ATP2B1: variants seen among roughly 807,000 people sequenced by gnomAD.
ATP2B1 encodes the protein plasma membrane calcium-transporting ATPase 1.
Under a neutral mutation model 124.2 loss-of-function variants are expected in ATP2B1, and 14 were observed. That is an observed-to-expected ratio of 0.11 (90% CI 0.07 to 0.18). The LOEUF is 0.18. Among genes scored for constraint, ATP2B1 ranks in the 10% least tolerant of loss-of-function variants. ATP2B1 has a pLI of 1.00. For missense variants in ATP2B1, 763 were observed against 1,466.1 expected (o/e 0.52, Z 7.83); for synonymous variants, 449 against 492.4 (o/e 0.91, Z 1.17).
chr12:89,677,979 C>T (rs1292084422), intron 1 of ATP2B1, among the ~76,000 whole-genome samples: 10,796 of 55,680 alleles, frequency 0.19, 1,248 homozygotes, highest in Middle Eastern at 0.4. Flanking sequence ...TATACACACA[C>T]ACACACACAC....
chr12:89,627,836 G>A, intron 6 of ATP2B1, 120 bp from the exon 7 acceptor site: 1 of 1,105,372 alleles, frequency 9.0e-7, no homozygotes, highest in South Asian at 1.4e-5. Context: ...TGTGTCTACA[G>A]ATTAGAAAAC....
chr12:89,610,630 G>A, intron 13 of ATP2B1, 122 bp from the exon 14 acceptor site: 1 of 795,760 alleles, frequency 1.3e-6, no homozygotes, highest in East Asian at 2.5e-5. Flanking sequence ...GAAACTCCTG[G>A]GAACTTGTTA....
intron 2 of ATP2B1, among the ~76,000 whole-genome samples, chr12:89,653,458 G>A (rs930399843): frequency 1.2e-4 from 18 of 151,012 alleles, no homozygotes; most frequent in African/African-American, 3.2e-4. Flanking sequence ...CACCGCGCCC[G>A]GCTAATTTTT....
At chr12:89,694,235 TCAA>T in intron 1 of ATP2B1, among the ~76,000 whole-genome samples, 1 of 152,304 alleles carries the variant, frequency 6.6e-6, no homozygotes, top group Admixed American at 6.5e-5. Flanking sequence ...AAAGTTATAT[TCAA>T]CTACATAATC....
intron 1 of ATP2B1, among the ~76,000 whole-genome samples, chr12:89,688,417 T>C (rs2136701340): frequency 6.6e-6 from 1 of 152,244 alleles, no homozygotes; most frequent in Admixed American, 6.5e-5. Flanking sequence ...GCTCCAGGGA[T>C]CAGGAGTCAG....
intron 15 of ATP2B1, among the ~76,000 whole-genome samples, chr12:89,606,000 G>A (rs763150044): frequency 5.3e-5 from 8 of 152,098 alleles, no homozygotes; most frequent in Non-Finnish European, 1.0e-4. Flanking sequence ...AAGAAAGCAA[G>A]TAAAAGACAA....
rs192695522 is a variant in ATP2B1 at position 89,687,727 on chromosome 12, G to A, written c.-222+20869C>T. Among the ~76,000 whole-genome samples the A allele has an allele frequency of 1.3e-3, 194 of 151,696 alleles. 1 individual carries two copies. The highest frequency in any genetic ancestry group is 4.5e-3 in the African/African-American group (187 of 41,364). ...ATATTTTGGGATTAAATTCAACATG[G>A]GATTAAAATAAATGCTGCTTAAACA... On this transcript the variant is annotated intron_variant, in intron 1 of 20. Coordinates refer to ENST00000428670, the MANE Select transcript of ATP2B1 (RefSeq NM_001366521.1).
intron 12 of ATP2B1, 163 bp from the exon 13 acceptor site, chr12:89,611,535 G>C: frequency 1.8e-6 from 1 of 558,194 alleles, no homozygotes; most frequent in Non-Finnish European, 2.7e-6. Context: ...AACATTTCTT[G>C]CACTATTTTC....
rs148743486 is a variant in ATP2B1 at position 89,707,126 on chromosome 12, G to A, written c.-222+1470C>T. ...ATGAAACGCACAAGTACAAAAAGCA[G>A]ATTCTCCTCCAATCCCTCTTAATTC... On this transcript the variant is annotated intron_variant, in intron 1 of 20. Transcript: ENST00000428670. Among the ~76,000 whole-genome samples, 146 of 152,248 alleles carry A rather than the reference G, an allele frequency of 9.6e-4. 4 individuals are homozygous for A. The East Asian group carries it at 0.027, about 28-fold the overall frequency.
In ATP2B1 at chr12:89,686,901, A is replaced by G. The variant is rs535989735; in HGVS notation, c.-222+21695T>C. Among the ~76,000 whole-genome samples the G allele has an allele frequency of 3.3e-5, 5 of 152,172 alleles. No homozygotes were observed. The East Asian group carries it at 9.6e-4, about 29-fold the overall frequency. ...AATATATAGATCCTGTCTCTACCAT[A>G]TATCTATAATTCCTTTAATATAATA... On this transcript the variant is annotated intron_variant, in intron 1 of 20. Transcript: ENST00000428670.
intron 9 of ATP2B1, among the ~76,000 whole-genome samples, chr12:89,622,609 A>G (rs549570316): frequency 6.6e-6 from 1 of 152,226 alleles, no homozygotes; most frequent in African/African-American, 2.4e-5. Flanking sequence ...AAGATACTGC[A>G]AAAAAACTGG....
intron 11 of ATP2B1, among the ~76,000 whole-genome samples, chr12:89,617,382 A>G (rs567612800): frequency 6.6e-6 from 1 of 152,326 alleles, no homozygotes; most frequent in East Asian, 1.9e-4. Context: ...ACAGAATCAG[A>G]CATTAGTTTG....
intron 1 of ATP2B1, among the ~76,000 whole-genome samples, chr12:89,701,363 T>C (rs552738919): frequency 6.6e-4 from 101 of 152,310 alleles, no homozygotes; most frequent in Middle Eastern, 3.4e-3. Context: ...AGTAATTCAT[T>C]TGGAGATAAC....
At chr12:89,700,261 T>C (rs1891683886) in intron 1 of ATP2B1, among the ~76,000 whole-genome samples, 1 of 152,148 alleles carries the variant, frequency 6.6e-6, no homozygotes, top group Non-Finnish European at 1.5e-5. Flanking sequence ...AGTTTGATGC[T>C]AGAGGAGCTC....
At chr12:89,687,982 TA>T (rs1890153762) in intron 1 of ATP2B1, among the ~76,000 whole-genome samples, 1 of 151,858 alleles carries the variant, frequency 6.6e-6, no homozygotes, top group African/African-American at 2.4e-5. Flanking sequence ...AAAACAAAAG[TA>T]AACTAAAACC....
chr12:89,689,237 A>C (rs190877251), intron 1 of ATP2B1, among the ~76,000 whole-genome samples: 171 of 152,226 alleles, frequency 1.1e-3, no homozygotes, highest in African/African-American at 3.8e-3. Context: ...ATAATCAACA[A>C]ATAATTTTTT....
At chr12:89,684,769 T>C (rs1310355225) in intron 1 of ATP2B1, among the ~76,000 whole-genome samples, 1 of 152,184 alleles carries the variant, frequency 6.6e-6, no homozygotes, top group East Asian at 1.9e-4. Flanking sequence ...GGAGAGAAAC[T>C]TGGCTTCTCT....
intron 8 of ATP2B1, among the ~76,000 whole-genome samples, chr12:89,626,228 C>T (rs1407535326): frequency 7.2e-5 from 11 of 152,184 alleles, no homozygotes; most frequent in African/African-American, 2.7e-4. Flanking sequence ...AGGCTTGTAA[C>T]TGGACAGACT....
chr12:89,684,873 G>C (rs561239886), intron 1 of ATP2B1, among the ~76,000 whole-genome samples: 2 of 152,024 alleles, frequency 1.3e-5, no homozygotes, highest in Non-Finnish European at 1.5e-5. Flanking sequence ...GAATTTCCTT[G>C]ACCATTGTTT....
Sources: allele counts gnomAD v4.1 joint callset (sites outside exome capture counted in the v4.1 genomes callset), GRCh38; gene constraint gnomAD v4.1.1; transcripts MANE v1.5; gene names NCBI Gene and HGNC (gene_info 2026-07-23, HGNC 2026-07-21).